Variants in ATAD2 observed in about 807,000 individuals in gnomAD.
ATAD2 encodes the protein ATPase family AAA domain containing 2, also known as ATPase family AAA domain-containing protein 2.
ATAD2 carries 62 observed loss-of-function variants against 168.9 expected under a neutral mutation model. The ratio of observed to expected loss-of-function variants is 0.37; its 90% confidence interval spans 0.30 to 0.45. The LOEUF (loss-of-function observed/expected upper bound fraction) is 0.45, where lower values mean the gene tolerates loss of function less well. Among genes scored for constraint, ATAD2 ranks in the 20% least tolerant of loss-of-function variants. The probability of loss-of-function intolerance (pLI) is 1.00; values close to 1 mark genes in which losing one functional copy is unlikely to be tolerated. For missense variants in ATAD2, 1,419 were observed against 1,667.8 expected, an observed-to-expected ratio of 0.85 and a Z score of 2.60; for synonymous variants, 613 against 571.6, an observed-to-expected ratio of 1.07 and a Z score of -1.03.
chr8:123,332,523 TA>T (rs1224279838), intron 24 of ATAD2, among the ~76,000 whole-genome samples: 1 of 152,224 alleles, frequency 6.6e-6, no homozygotes, highest in African/African-American at 2.4e-5. Flanking sequence ...ATACATATTT[TA>T]AAATTTATTT....
chr8:123,369,026 G>T, intron 8 of ATAD2, 32 bp downstream of exon 8: 1 of 1,320,618 alleles, frequency 7.6e-7, no homozygotes, highest in Non-Finnish European at 1.1e-6. Flanking sequence ...CAATTATGTT[G>T]TCATAAATCA....
rs747349063 is a variant in ATAD2, at chr8:123,349,268, T to C, written c.1806+17A>G. Reference sequence around the variant, plus strand: ...GCAATATATTTTGTCAAAATTTGAGTGACATTAAATTCTTACCTCTTTATC... The same window carrying C: ...GCAATATATTTTGTCAAAATTTGAGCGACATTAAATTCTTACCTCTTTATC... On this transcript the variant is annotated intron_variant, in intron 14 of 27. Coordinates refer to ENST00000287394, the MANE Select transcript of ATAD2 (RefSeq NM_014109.4). 6.2e-7 allele frequency: 1 copy of C among 1,600,944 alleles called. No individual in the cohort carries two copies. The highest frequency in any genetic ancestry group is 2.2e-5 in the East Asian group (1 of 44,780).
At chr8:123,396,719 C>G (rs781537636), upstream of ATAD2, among the ~76,000 whole-genome samples, 8 of 152,082 alleles carry the variant, frequency 5.3e-5, no homozygotes, top group Non-Finnish European at 7.4e-5. Context: ...CGGTGCGTAG[C>G]CCGTTTGGAA....
chr8:123,388,540 GCAC>G (rs1048705172), intron 1 of ATAD2, among the ~76,000 whole-genome samples: 10 of 151,912 alleles, frequency 6.6e-5, no homozygotes, highest in Non-Finnish European at 1.3e-4. Context: ...CTAGAGGCAG[GCAC>G]CACCACACCT....
chr8:123,369,178 A>G lies in ATAD2; in HGVS notation c.932-3T>C, dbSNP rs760463390. The G allele has an allele frequency of 1.6e-6, 2 of 1,287,260 alleles. No individual in the cohort carries two copies. The highest frequency in any genetic ancestry group is 2.1e-6 in the Non-Finnish European group (2 of 946,270). 79.7% of individuals were successfully genotyped at this position (1,287,260 alleles called of 1,614,324 possible). A position where few individuals can be genotyped will look rare whatever the true frequency, so the allele number is the denominator to read the frequency against. ...GGGCTTTCTCTGGTGACGAGGTTCTAAAAAAAAGAAATATATATATATATT... is the reference window on the plus strand; with the variant it reads ...GGGCTTTCTCTGGTGACGAGGTTCTGAAAAAAAGAAATATATATATATATT... On this transcript the variant is annotated splice_polypyrimidine_tract_variant and splice_region_variant and intron_variant, in intron 7 of 27. Coordinates refer to ENST00000287394, the MANE Select transcript of ATAD2 (RefSeq NM_014109.4).
Position 123,344,876 on chromosome 8 carries a change from TA to T in ATAD2, c.2718+7del. 1 of 1,613,452 alleles carries T rather than the reference TA, an allele frequency of 6.2e-7. No homozygotes were observed. The highest frequency in any genetic ancestry group is 8.5e-7 in the Non-Finnish European group (1 of 1,179,388). On this transcript the variant is annotated splice_region_variant and intron_variant, in intron 19 of 27. Transcript: ENST00000287394. ...GAAAGTATAATGATACCGCCCCACA[TA>T]AATTACCTCTTCTGGCAAAGCGGAA...
intron 1 of ATAD2, among the ~76,000 whole-genome samples, chr8:123,388,496 C>T (rs917620025): frequency 1.3e-5 from 2 of 152,112 alleles, no homozygotes; most frequent in Non-Finnish European, 2.9e-5. Flanking sequence ...TGGGTTCAAG[C>T]GATTCTCTCT....
At chr8:123,369,762 A>T in intron 7 of ATAD2, 59 bp downstream of exon 7, 6 of 1,381,532 alleles carry the variant, frequency 4.3e-6, no homozygotes, top group Non-Finnish European at 6.0e-6. Flanking sequence ...CAGAGAAGAA[A>T]CAGGAAATAT....
chr8:123,371,065 T>C lies in ATAD2; in HGVS notation c.640-75A>G, dbSNP rs868373374. ...AAAAATTAAGTTGGATCCTCCAATC[T>C]TGTTTAAAATTAAGATATTTACAGC... On this transcript the variant is annotated intron_variant, in intron 5 of 27. Coordinates refer to ENST00000287394, the MANE Select transcript of ATAD2 (RefSeq NM_014109.4). The C allele has an allele frequency of 3.2e-6, 4 of 1,232,140 alleles. No homozygotes were observed. The Middle Eastern group carries it at 1.1e-3, about 329-fold the overall frequency. The allele number at this position is 1,232,140 out of a possible 1,614,324, so 76.3% of individuals were successfully genotyped here.
intron 27 of ATAD2, among the ~76,000 whole-genome samples, chr8:123,321,968 G>A (rs1213714396): frequency 6.6e-6 from 1 of 150,770 alleles, no homozygotes; most frequent in Non-Finnish European, 1.5e-5. Flanking sequence ...TACTATAAAG[G>A]AAGATTAAGT....
At chr8:123,408,882 C>T (rs939211570) in intron 1 of ATAD2, among the ~76,000 whole-genome samples, 2 of 150,310 alleles carry the variant, frequency 1.3e-5, no homozygotes, top group Non-Finnish European at 2.9e-5. Context: ...GGCTGTAGTG[C>T]AGTGGCGCCA....
intron 1 of ATAD2, among the ~76,000 whole-genome samples, chr8:123,386,887 C>A (rs1436496933): frequency 4.1e-5 from 6 of 145,638 alleles, no homozygotes; most frequent in African/African-American, 1.5e-4. Context: ...AAGTACTAGG[C>A]AGCAAGAAAG....
chr8:123,385,299 C>A (rs990685718), intron 1 of ATAD2, among the ~76,000 whole-genome samples: 1 of 151,532 alleles, frequency 6.6e-6, no homozygotes, highest in Admixed American at 6.6e-5. Context: ...ACTGAAAATG[C>A]AAATTAAAAG....
intron 8 of ATAD2, among the ~76,000 whole-genome samples, chr8:123,366,554 G>A (rs1268648182): frequency 6.6e-6 from 1 of 152,164 alleles, no homozygotes; most frequent in African/African-American, 2.4e-5. Context: ...GCCATCAAAA[G>A]GAATGAATTA....
intron 24 of ATAD2, among the ~76,000 whole-genome samples, chr8:123,329,970 C>T (rs940226048): frequency 3.3e-4 from 44 of 134,274 alleles, no homozygotes; most frequent in African/African-American, 1.1e-3. Context: ...TACCTTTCTC[C>T]CCAGTGGCTT....
intron 9 of ATAD2, among the ~76,000 whole-genome samples, chr8:123,361,147 T>C (rs1177627546): frequency 2.0e-5 from 3 of 151,354 alleles, no homozygotes. Context: ...CGAAACCTCA[T>C]CTCTATTAAA....
chr8:123,377,987 T>C (rs1342242123), intron 2 of ATAD2, among the ~76,000 whole-genome samples: 1 of 152,234 alleles, frequency 6.6e-6, no homozygotes, highest in Non-Finnish European at 1.5e-5. Flanking sequence ...TTTCTTCAGA[T>C]CGTCAAAAAC....
At chr8:123,389,987 T>A (rs1186290353) in intron 1 of ATAD2, among the ~76,000 whole-genome samples, 132 of 83,064 alleles carry the variant, frequency 1.6e-3, no homozygotes, top group East Asian at 2.9e-3. Flanking sequence ...TATATATATT[T>A]TTTTTTTTTT....
intron 26 of ATAD2, among the ~76,000 whole-genome samples, chr8:123,324,300 C>T (rs1008926013): frequency 1.3e-5 from 2 of 152,068 alleles, no homozygotes; most frequent in Non-Finnish European, 2.9e-5. Context: ...GGCAGATTTC[C>T]CTCTAAAATG....
Sources: allele counts gnomAD v4.1 joint callset (sites outside exome capture counted in the v4.1 genomes callset), GRCh38; gene constraint gnomAD v4.1.1; transcripts MANE v1.5; gene names NCBI Gene and HGNC (gene_info 2026-07-23, HGNC 2026-07-21).